Variants in TUBB3 observed in about 807,000 individuals in gnomAD.
TUBB3 encodes tubulin beta-3 chain.
TUBB3 carries 17 observed loss-of-function variants against 37.8 expected under a neutral mutation model. The observed-to-expected ratio is 0.45, with a 90% CI of 0.31 to 0.67. TUBB3 has a LOEUF of 0.67. Ranked by LOEUF, TUBB3 falls within the 30% of genes least tolerant of loss-of-function variation. The pLI is 0.07. For missense variants in TUBB3, 262 were observed against 657.9 expected (o/e 0.40, Z 6.58); for synonymous variants, 332 against 278.9 (o/e 1.19, Z -1.90).
intron 1 of TUBB3, among the ~76,000 whole-genome samples, chr16:89,928,060 G>A (rs2030148513): frequency 6.6e-6 from 1 of 150,808 alleles, no homozygotes; most frequent in Non-Finnish European, 1.5e-5. Context: ...AATGCCTCAG[G>A]GACCTTTCTG....
Position 89,923,397 on chromosome 16 carries a change from C to T in TUBB3, c.-5C>T, listed in dbSNP as rs779955736. On this transcript the variant is annotated 5_prime_UTR_variant, in exon 1 of 4. Coordinates refer to ENST00000315491, the MANE Select transcript of TUBB3 (RefSeq NM_006086.4). ...GTCCGCAGCCGCCCGCCAGACGCGC[C>T]CAGTATGAGGGAGATCGTGCACATC... is the stretch of plus-strand genomic sequence containing the variant. The T allele has an allele frequency of 2.0e-6, 3 of 1,489,594 alleles. No individual in the cohort carries two copies. Among genetic ancestry groups the T allele is most frequent in the Non-Finnish European group, 2.7e-6 (3 of 1,117,864 alleles). 92.3% of individuals were successfully genotyped at this position (1,489,594 alleles called of 1,614,324 possible).
At chr16:89,930,790 C>T (rs2030253513) in intron 1 of TUBB3, among the ~76,000 whole-genome samples, 1 of 151,606 alleles carries the variant, frequency 6.6e-6, no homozygotes, top group South Asian at 2.1e-4. Flanking sequence ...CTGCCTCCTG[C>T]ACAGCAGTTT....
chr16:89,926,251 G>T (rs1220041890), intron 1 of TUBB3, among the ~76,000 whole-genome samples: 1 of 152,156 alleles, frequency 6.6e-6, no homozygotes, highest in African/African-American at 2.4e-5. Flanking sequence ...GCCTCCTCGC[G>T]GCTGCGGGGC....
chr16:89,932,628 G>A lies in TUBB3; in HGVS notation c.115G>A (p.Asp39Asn), dbSNP rs761851735. ...CGACCCCAGCGGCAACTACGTGGGC[G>A]ACTCGGACTTGCAGCTGGAGCGGAT... ...GIDPSGNYVG[D>N]SDLQLERISV... The change falls in exon 2 of 4, where the codon GAC (aspartate) becomes AAC (asparagine). Residue 39 changes from aspartate to asparagine, a missense_variant. Physicochemically the swap from Asp to Asn is conservative, Grantham distance 23. This residue lies in a region of TUBB3 where 58 missense variants were observed against 74.2 expected (regional missense o/e 0.78). Transcript: ENST00000315491. 7 of 1,614,014 alleles carry A rather than the reference G, an allele frequency of 4.3e-6. No individual in the cohort carries two copies. The highest frequency in any genetic ancestry group is 5.9e-6 in the Non-Finnish European group (7 of 1,180,032).
chr16:89,932,254 T>C (rs1176142479), intron 1 of TUBB3: 2 of 451,178 alleles, frequency 4.4e-6, no homozygotes, highest in Admixed American at 3.4e-5. Context: ...ACCAATGCCC[T>C]TCATGGAGGA....
chr16:89,933,598 A>T lies in TUBB3; in HGVS notation c.277+20A>T. ...TCTTTGGTAAGTTCCCCCTGCTCCA[A>T]GCTCTGATGGCAGACCCCATCACAG... On this transcript the variant is annotated intron_variant, in intron 3 of 3. Coordinates refer to ENST00000315491, the MANE Select transcript of TUBB3 (RefSeq NM_006086.4). 1 of 1,594,742 alleles carries T rather than the reference A, an allele frequency of 6.3e-7. No individual in the cohort carries two copies. The highest frequency in any genetic ancestry group is 8.6e-7 in the Non-Finnish European group (1 of 1,162,398).
At position 89,925,235 on chromosome 16, in the gene TUBB3, C is replaced by G. The variant is rs1303734197; in HGVS notation, c.57+1777C>G. ...TCTGAACACTGGAGCTCTTAGTTTG[C>G]CCGCTACTTTTTATTCCTTTTGAGT... On this transcript the variant is annotated intron_variant, in intron 1 of 3. Coordinates refer to ENST00000315491, the MANE Select transcript of TUBB3 (RefSeq NM_006086.4). 2.0e-5 allele frequency among the ~76,000 whole-genome samples: 3 copies of G among 152,202 alleles called. No homozygotes were observed. The South Asian group carries it at 6.2e-4, about 32-fold the overall frequency.
At position 89,935,869 on chromosome 16, in the gene TUBB3, C is replaced by T. The variant is rs1320011661; in HGVS notation, c.*65C>T. 2.6e-6 allele frequency: 4 copies of T among 1,541,378 alleles called. No homozygotes were observed. Among genetic ancestry groups the T allele is most frequent in the African/African-American group, 1.4e-5 (1 of 72,874 alleles). Reference sequence around the variant, plus strand: ...GGCCGAAGCCAGCAGTGTCTAAACCCCCGGAGCCATCTTGCTGCCGACACC... The same window carrying T: ...GGCCGAAGCCAGCAGTGTCTAAACCTCCGGAGCCATCTTGCTGCCGACACC... On this transcript the variant is annotated 3_prime_UTR_variant, in exon 4 of 4. Transcript: ENST00000315491.
rs748332218 is a variant in TUBB3 at position 89,923,372 on chromosome 16, G to C, written c.-30G>C. ...CAGCCAGCCCGGCCCGCCCGCGCCC[G>C]TCCGCAGCCGCCCGCCAGACGCGCC... On this transcript the variant is annotated 5_prime_UTR_variant, in exon 1 of 4. Transcript: ENST00000315491. The C allele has an allele frequency of 1.4e-6, 2 of 1,451,580 alleles. No individual in the cohort carries two copies. The highest frequency in any genetic ancestry group is 1.8e-6 in the Non-Finnish European group (2 of 1,097,676). The allele number at this position is 1,451,580 out of a possible 1,614,324, so 89.9% of individuals were successfully genotyped here.
At position 89,933,529 on chromosome 16, in the gene TUBB3, C is replaced by T. The variant is rs185447857; in HGVS notation, c.228C>T (p.Val76=). The T allele has an allele frequency of 1.0e-4, 167 of 1,614,158 alleles. 3 individuals are homozygous for T. The East Asian group carries it at 3.3e-3, about 32-fold the overall frequency. ...TGGAACCCGGAACCATGGACAGTGT[C>T]CGCTCAGGGGCCTTTGGACATCTCT... ...VDLEPGTMDS[V]RSGAFGHLFR... is the part of the protein sequence containing the mutation. The change falls in exon 3 of 4, where the codon GTC becomes GTT. Residue 76 remains valine, a synonymous_variant. Transcript: ENST00000315491.
intron 3 of TUBB3, 135 bp downstream of exon 3, chr16:89,933,713 C>T (rs1321580681): frequency 1.3e-6 from 1 of 789,456 alleles, no homozygotes; most frequent in Admixed American, 1.9e-5. Context: ...ACTCATCTCT[C>T]CATTTTACAG....
chr16:89,926,090 CG>C (rs1189781564), intron 1 of TUBB3, among the ~76,000 whole-genome samples: 1 of 152,038 alleles, frequency 6.6e-6, no homozygotes. Context: ...CCGGGGCCCG[CG>C]GGACACAGGA....
At chr16:89,925,116 T>G (rs1183972544) in intron 1 of TUBB3, among the ~76,000 whole-genome samples, 1 of 152,006 alleles carries the variant, frequency 6.6e-6, no homozygotes, top group Non-Finnish European at 1.5e-5. Context: ...GATCTAGAAG[T>G]CAGGTGCACA....
chr16:89,932,540 G>T, intron 1 of TUBB3, 31 bp from the exon 2 acceptor site: 1 of 1,589,682 alleles, frequency 6.3e-7, no homozygotes, highest in Non-Finnish European at 8.6e-7. Context: ...ATGGGCCGGT[G>T]CCGACCCCCC....
At chr16:89,923,609 G>T (rs560129271) in intron 1 of TUBB3, 151 bp downstream of exon 1, 3 of 727,898 alleles carry the variant, frequency 4.1e-6, no homozygotes, top group East Asian at 4.1e-5. Context: ...GGGACGCGGG[G>T]CCCCCGCCCT....
intron 1 of TUBB3, among the ~76,000 whole-genome samples, chr16:89,930,584 A>G (rs2030248048): frequency 6.6e-6 from 1 of 151,362 alleles, no homozygotes. Context: ...ACCCCTGGCT[A>G]ATTTTTGTAT....
upstream of TUBB3, chr16:89,923,267 G>T: frequency 1.7e-6 from 1 of 600,920 alleles, no homozygotes. Context: ...CTCCCGATTG[G>T]CCACCCGCGG....
chr16:89,924,156 G>A (rs1260112378), intron 1 of TUBB3, among the ~76,000 whole-genome samples: 1 of 152,236 alleles, frequency 6.6e-6, no homozygotes, highest in African/African-American at 2.4e-5. Flanking sequence ...CGGGCTGTGG[G>A]GTGTGGAGGC....
chr16:89,926,762 G>A (rs949231013), intron 1 of TUBB3, among the ~76,000 whole-genome samples: 11 of 152,072 alleles, frequency 7.2e-5, no homozygotes, highest in African/African-American at 2.7e-4. Flanking sequence ...TTGTTGCCCA[G>A]GCTGGAGTGC....
Sources: allele counts gnomAD v4.1 joint callset (sites outside exome capture counted in the v4.1 genomes callset), GRCh38; gene constraint gnomAD v4.1.1; regional missense constraint gnomAD v4.1.1; transcripts MANE v1.5; gene names NCBI Gene and HGNC (gene_info 2026-07-23, HGNC 2026-07-21).